Variants in POFUT3 observed in about 807,000 individuals in gnomAD.
POFUT3 encodes the protein protein O-fucosyltransferase 3, also known as GDP-fucose protein O-fucosyltransferase 3.
At chr8:33,365,887 C>T in the POFUT3 span, among the ~76,000 whole-genome samples, 22 of 152,158 alleles carry the variant, frequency 1.4e-4, no homozygotes, top group Admixed American at 3.3e-4. Context: ...GCCATTTGAC[C>T]CAGCCATCCC....
chr8:33,444,461 G>A, the POFUT3 span, among the ~76,000 whole-genome samples: 1 of 152,050 alleles, frequency 6.6e-6, no homozygotes, highest in African/African-American at 2.4e-5. Context: ...TGAATGAGGT[G>A]GGGTCACTGG....
chr8:33,467,869 G>T, the POFUT3 span, among the ~76,000 whole-genome samples: 1 of 152,180 alleles, frequency 6.6e-6, no homozygotes, highest in Non-Finnish European at 1.5e-5. Context: ...ATGGAACCAA[G>T]GGGTGATTTC....
At chr8:33,360,453 A>G in the POFUT3 span, among the ~76,000 whole-genome samples, 3 of 137,970 alleles carry the variant, frequency 2.2e-5, no homozygotes, top group Admixed American at 2.1e-4. Context: ...CTCAAAAAAT[A>G]TAAATAAAAA....
the POFUT3 span, among the ~76,000 whole-genome samples, chr8:33,320,262 A>C: frequency 4.6e-5 from 7 of 152,164 alleles, no homozygotes; most frequent in South Asian, 1.2e-3. Context: ...TAGGGGGAAG[A>C]GTATAACCCA....
the POFUT3 span, among the ~76,000 whole-genome samples, chr8:33,310,157 G>T: frequency 6.6e-6 from 1 of 152,132 alleles, no homozygotes; most frequent in Middle Eastern, 3.4e-3. Context: ...CAGAATCATA[G>T]AATTCTTCTT....
the POFUT3 span, among the ~76,000 whole-genome samples, chr8:33,455,126 A>G: frequency 6.6e-6 from 1 of 152,212 alleles, no homozygotes; most frequent in Non-Finnish European, 1.5e-5. Context: ...TACTCACTAT[A>G]GCACTGAGAT....
At chr8:33,333,065 G>A in the POFUT3 span, among the ~76,000 whole-genome samples, 1 of 152,174 alleles carries the variant, frequency 6.6e-6, no homozygotes, top group Non-Finnish European at 1.5e-5. Flanking sequence ...CCATCTATTG[G>A]TGGGCAACAA....
the POFUT3 span, among the ~76,000 whole-genome samples, chr8:33,431,233 C>T: frequency 6.6e-6 from 1 of 152,044 alleles, no homozygotes; most frequent in Non-Finnish European, 1.5e-5. Flanking sequence ...AAAGGCTAAT[C>T]ATGCCCATGT....
the POFUT3 span, chr8:33,372,126 C>G: frequency 1.0e-6 from 1 of 986,688 alleles, no homozygotes; most frequent in Non-Finnish European, 1.2e-6. Flanking sequence ...TGGAAACCAA[C>G]AGATGGGATC....
At chr8:33,392,135 T>C in the POFUT3 span, among the ~76,000 whole-genome samples, 1 of 152,198 alleles carries the variant, frequency 6.6e-6, no homozygotes, top group African/African-American at 2.4e-5. Flanking sequence ...TTGCTATCTA[T>C]AAAAGCATTT....
At chr8:33,372,497 A>G in the POFUT3 span, 6 of 1,509,922 alleles carry the variant, frequency 4.0e-6, no homozygotes, top group Non-Finnish European at 4.4e-6. Context: ...CAGAATAGCT[A>G]TTATGTTCAA....
At chr8:33,406,862 T>C in the POFUT3 span, among the ~76,000 whole-genome samples, 2 of 152,134 alleles carry the variant, frequency 1.3e-5, no homozygotes, top group Admixed American at 1.3e-4. Flanking sequence ...CCCTGGCCCC[T>C]AGTAGACTTC....
chr8:33,461,357 C>G, the POFUT3 span: 3 of 1,600,108 alleles, frequency 1.9e-6, no homozygotes, highest in South Asian at 3.4e-5. Flanking sequence ...ACTACACAAC[C>G]CACATTCTTG....
At chr8:33,338,842 C>T in the POFUT3 span, 1 of 152,054 alleles carries the variant, frequency 6.6e-6, no homozygotes, top group Admixed American at 6.6e-5. Flanking sequence ...AAACAAAAGG[C>T]TTAAATAAGA....
At chr8:33,438,367 C>A in the POFUT3 span, among the ~76,000 whole-genome samples, 2 of 152,144 alleles carry the variant, frequency 1.3e-5, no homozygotes, top group Non-Finnish European at 2.9e-5. Context: ...CGTTTGAGCC[C>A]AGGAGTTCAA....
chr8:33,369,860 T>C, the POFUT3 span, among the ~76,000 whole-genome samples: 2 of 152,200 alleles, frequency 1.3e-5, no homozygotes, highest in Non-Finnish European at 1.5e-5. Context: ...TAGAATCTAG[T>C]CCTTAACAGC....
the POFUT3 span, among the ~76,000 whole-genome samples, chr8:33,457,273 C>A: frequency 2.6e-5 from 4 of 151,978 alleles, no homozygotes; most frequent in East Asian, 5.8e-4. Flanking sequence ...TATAGTGAAA[C>A]CTCATCTCTT....
chr8:33,443,966 C>CTTT, the POFUT3 span, among the ~76,000 whole-genome samples: 10 of 133,834 alleles, frequency 7.5e-5, no homozygotes, highest in African/African-American at 2.5e-4. Flanking sequence ...TTTCTACAAG[C>CTTT]TTTTTTTTTT....
At chr8:33,371,610 C>T in the POFUT3 span, 1 of 152,198 alleles carries the variant, frequency 6.6e-6, no homozygotes, top group African/African-American at 2.4e-5. Flanking sequence ...CAGTGTTTTC[C>T]TCCTTGTCTT....
Sources: gnomAD v4.1 joint callset for allele counts (sites outside exome capture counted in the v4.1 genomes callset) on GRCh38, gnomAD v4.1.1 for gene constraint, MANE v1.5 for transcripts, NCBI Gene and HGNC (gene_info 2026-07-23, HGNC 2026-07-21) for gene names.